Variants in GABBR2 observed in about 807,000 individuals in gnomAD.
GABBR2 encodes G-protein coupled receptor 51.
GABBR2 carries 23 observed loss-of-function variants against 105.6 expected under a neutral mutation model. The observed-to-expected ratio is 0.22, with a 90% CI of 0.16 to 0.31. The LOEUF (loss-of-function observed/expected upper bound fraction) is 0.31, where lower values mean the gene tolerates loss of function less well. Among genes scored for constraint, GABBR2 ranks in the 10% least tolerant of loss-of-function variants. GABBR2 has a pLI of 1.00. For missense variants in GABBR2, 734 were observed against 1,245.5 expected (o/e 0.59, Z 6.18); for synonymous variants, 478 against 499.7 (o/e 0.96, Z 0.58).
chr9:98,290,784 G>T, intron 18 of GABBR2, 35 bp from the exon 19 acceptor site: 1 of 1,423,298 alleles, frequency 7.0e-7, no homozygotes, highest in Non-Finnish European at 9.2e-7. Flanking sequence ...GTTAGTGAAG[G>T]GTAGCTGGGC....
intron 1 of GABBR2, among the ~76,000 whole-genome samples, chr9:98,664,059 C>T (rs1481103550): frequency 6.6e-6 from 1 of 152,148 alleles, no homozygotes; most frequent in East Asian, 1.9e-4. Flanking sequence ...GTATGTCCCT[C>T]TTGTCAAATG....
chr9:98,402,494 A>C (rs1329827948), intron 8 of GABBR2, among the ~76,000 whole-genome samples: 2 of 152,164 alleles, frequency 1.3e-5, no homozygotes, highest in Admixed American at 6.5e-5. Context: ...ACCTACGGCC[A>C]AGGGTGGCTC....
At chr9:98,507,845 G>C (rs1274988713) in intron 3 of GABBR2, among the ~76,000 whole-genome samples, 4 of 152,176 alleles carry the variant, frequency 2.6e-5, no homozygotes, top group Non-Finnish European at 5.9e-5. Flanking sequence ...CACAGGGGCT[G>C]CCTGAGGAAG....
chr9:98,531,423 C>T (rs12379681), intron 3 of GABBR2, among the ~76,000 whole-genome samples: 38,271 of 152,140 alleles, frequency 0.25, 5,345 homozygotes, highest in Non-Finnish European at 0.31. Context: ...CCATCTGTCC[C>T]GAGGGCAGGA....
rs1391906151 is a variant in GABBR2, at chr9:98,444,703, G to A, written c.1236+9278C>T. On this transcript the variant is annotated intron_variant, in intron 7 of 18. Coordinates refer to ENST00000259455, the MANE Select transcript of GABBR2 (RefSeq NM_005458.8). ...TTCTGACAATCTGAAGTCACAGAGG[G>A]CCCATCAGCAATTGCTTCTGCTGCT... Among the ~76,000 whole-genome samples the A allele has an allele frequency of 3.9e-5, 6 of 152,200 alleles. 1 individual carries two copies. The highest frequency in any genetic ancestry group is 1.4e-4 in the African/African-American group (6 of 41,432).
intron 13 of GABBR2, among the ~76,000 whole-genome samples, chr9:98,342,328 T>C (rs1564024484): frequency 6.6e-6 from 1 of 151,932 alleles, no homozygotes; most frequent in Non-Finnish European, 1.5e-5. Context: ...GAAGTAACAA[T>C]AGCTCAGGGT....
At chr9:98,690,546 A>G (rs529177894) in intron 1 of GABBR2, among the ~76,000 whole-genome samples, 1 of 152,274 alleles carries the variant, frequency 6.6e-6, no homozygotes, top group South Asian at 2.1e-4. Flanking sequence ...CCAAAGAAGA[A>G]GTCATGTTTG....
At chr9:98,464,406 G>A (rs1233776917) in intron 6 of GABBR2, among the ~76,000 whole-genome samples, 4 of 148,414 alleles carry the variant, frequency 2.7e-5, no homozygotes, top group Non-Finnish European at 5.9e-5. Flanking sequence ...TGCCCTGTCT[G>A]GGAGGAAGTG....
intron 3 of GABBR2, among the ~76,000 whole-genome samples, chr9:98,517,751 C>A (rs1351663719): frequency 2.0e-5 from 3 of 152,192 alleles, no homozygotes; most frequent in East Asian, 3.9e-4. Context: ...TAGGGCAGCA[C>A]GTGAGTGGCC....
intron 6 of GABBR2, among the ~76,000 whole-genome samples, chr9:98,467,466 G>C (rs920944078): frequency 6.6e-6 from 1 of 152,198 alleles, no homozygotes; most frequent in Non-Finnish European, 1.5e-5. Flanking sequence ...GAGCTTTGTG[G>C]GGGGTAGGGG....
intron 1 of GABBR2, among the ~76,000 whole-genome samples, chr9:98,591,644 T>C (rs1829146905): frequency 6.6e-6 from 1 of 152,166 alleles, no homozygotes; most frequent in Admixed American, 6.5e-5. Context: ...CACTGGGGAA[T>C]TCATTAGCTA....
intron 1 of GABBR2, among the ~76,000 whole-genome samples, chr9:98,682,366 C>CTTCT (rs1830561030): frequency 3.8e-5 from 2 of 52,226 alleles, no homozygotes; most frequent in African/African-American, 1.5e-4. Context: ...ATTTTACCAT[C>CTTCT]TTTTTTTTTT....
rs1168126781 is a variant in GABBR2, at chr9:98,541,456, C to G, written c.630+417G>C. Among the ~76,000 whole-genome samples the G allele has an allele frequency of 5.3e-5, 8 of 152,114 alleles. No individual in the cohort carries two copies. In the East Asian group the frequency reaches 1.5e-3, roughly 29 times the overall value. ...TAAGTCACTTAGAACAAACAAAACT[C>G]TGTACCCCATCCAAGGTGACATTGG... On this transcript the variant is annotated intron_variant, in intron 3 of 18. Transcript: ENST00000259455.
At chr9:98,663,077 A>G (rs1404389541) in intron 1 of GABBR2, among the ~76,000 whole-genome samples, 1 of 152,214 alleles carries the variant, frequency 6.6e-6, no homozygotes, top group Non-Finnish European at 1.5e-5. Context: ...CCTAGTAAGT[A>G]TCCTGAGACA....
At chr9:98,495,714 T>G (rs1827264065) in intron 4 of GABBR2, among the ~76,000 whole-genome samples, 1 of 152,104 alleles carries the variant, frequency 6.6e-6, no homozygotes, top group Admixed American at 6.5e-5. Flanking sequence ...CTCCACCAAA[T>G]GTTGTCTCTT....
chr9:98,463,720 C>T (rs1826475183), intron 6 of GABBR2, among the ~76,000 whole-genome samples: 1 of 152,112 alleles, frequency 6.6e-6, no homozygotes, highest in Admixed American at 6.5e-5. Context: ...GCTGCAACCT[C>T]CCTGCCTCGG....
At chr9:98,297,173 T>C (rs902657431) in intron 17 of GABBR2, among the ~76,000 whole-genome samples, 1 of 152,192 alleles carries the variant, frequency 6.6e-6, no homozygotes, top group Non-Finnish European at 1.5e-5. Flanking sequence ...TGCCCACTTT[T>C]ACCAGATACG....
At chr9:98,618,329 A>C (rs1359321997) in intron 1 of GABBR2, among the ~76,000 whole-genome samples, 1 of 152,176 alleles carries the variant, frequency 6.6e-6, no homozygotes, top group Non-Finnish European at 1.5e-5. Flanking sequence ...TTGTTCGATC[A>C]CAATAGTTGG....
chr9:98,338,187 G>A (rs1033241368), intron 13 of GABBR2, among the ~76,000 whole-genome samples: 2 of 152,172 alleles, frequency 1.3e-5, no homozygotes, highest in African/African-American at 2.4e-5. Context: ...AGACATAAGT[G>A]TAAATCTTCA....
Sources: gnomAD v4.1 joint callset for allele counts (sites outside exome capture counted in the v4.1 genomes callset) on GRCh38, gnomAD v4.1.1 for gene constraint, MANE v1.5 for transcripts, NCBI Gene and HGNC (gene_info 2026-07-23, HGNC 2026-07-21) for gene names.